Variants in NRXN3 observed in about 807,000 individuals in gnomAD.
NRXN3 encodes the protein neurexin III.
In NRXN3, 32 loss-of-function variants were observed where a neutral mutation model predicts 137.6. The ratio of observed to expected loss-of-function variants is 0.23; its 90% CI spans 0.18 to 0.31. The LOEUF is 0.31. NRXN3 is among the 10% of genes least tolerant of loss of function. The pLI is 1.00. For synonymous variants in NRXN3, 798 were observed against 784.5 expected (o/e 1.02, Z -0.29); for missense variants, 1,574 against 2,062.5 (o/e 0.76, Z 4.59).
At chr14:78,635,319 T>C (rs931814432) in intron 4 of NRXN3, among the ~76,000 whole-genome samples, 1 of 152,204 alleles carries the variant, frequency 6.6e-6, no homozygotes, top group African/African-American at 2.4e-5. Context: ...ACTTATTGCT[T>C]TGAAATATCT....
At chr14:79,230,977 C>G (rs1262319993) in intron 15 of NRXN3, among the ~76,000 whole-genome samples, 1 of 152,104 alleles carries the variant, frequency 6.6e-6, no homozygotes, top group Admixed American at 6.6e-5. Flanking sequence ...ACTGTAGCAT[C>G]AGCTATATTT....
intron 15 of NRXN3, among the ~76,000 whole-genome samples, chr14:79,077,554 T>A (rs1208344966): frequency 6.6e-6 from 1 of 152,176 alleles, no homozygotes; most frequent in Non-Finnish European, 1.5e-5. Context: ...CATGGGCCAT[T>A]TGAAAAACAG....
At chr14:79,537,224 C>G (rs117587788) in intron 16 of NRXN3, among the ~76,000 whole-genome samples, 7,290 of 151,884 alleles carry the variant, frequency 0.048, 238 homozygotes, top group Middle Eastern at 0.13. Flanking sequence ...TGTTGTTGAG[C>G]TTTTTTTCAT....
chr14:79,493,886 T>C (rs980861685), intron 16 of NRXN3, among the ~76,000 whole-genome samples: 2 of 152,216 alleles, frequency 1.3e-5, no homozygotes, highest in Non-Finnish European at 2.9e-5. Flanking sequence ...TGCTGTATAC[T>C]GAATGACAAA....
At chr14:78,883,461 C>T (rs73321694) in intron 10 of NRXN3, among the ~76,000 whole-genome samples, 7,347 of 152,134 alleles carry the variant, frequency 0.048, 356 homozygotes, top group African/African-American at 0.13. Flanking sequence ...GTGAAGGCAC[C>T]GTAGCAGTGG....
At chr14:79,570,650 A>G (rs912481295) in intron 16 of NRXN3, 2 of 152,204 alleles carry the variant, frequency 1.3e-5, no homozygotes, top group African/African-American at 4.8e-5. Flanking sequence ...TGTCTTTAAT[A>G]AATTGCCATT....
intron 19 of NRXN3, among the ~76,000 whole-genome samples, chr14:79,783,685 CAT>C (rs763479365): frequency 6.4e-4 from 97 of 152,062 alleles, no homozygotes; most frequent in Non-Finnish European, 2.4e-4. Context: ...AATGTAACTG[CAT>C]ATGTTTTATT....
chr14:79,134,511 C>T lies in NRXN3; in HGVS notation c.3262+146370C>T, dbSNP rs943252337. On this transcript the variant is annotated intron_variant, in intron 15 of 20. Transcript: ENST00000335750. ...GGCTAACCGAGGACTTTCACTGGCA[C>T]TCTTTTTAGAGCTAGACCATTGGGG... Among the ~76,000 whole-genome samples the T allele has an allele frequency of 3.4e-4, 51 of 152,202 alleles. 1 individual carries two copies. Among genetic ancestry groups the T allele is most frequent in the Admixed American group, 2.8e-3 (43 of 15,284 alleles).
chr14:79,765,001 G>A (rs976234990), intron 19 of NRXN3, among the ~76,000 whole-genome samples: 18 of 151,956 alleles, frequency 1.2e-4, no homozygotes, highest in East Asian at 3.9e-4. Context: ...AATTTGTCTC[G>A]CCCACTTCTA....
chr14:78,603,475 A>G (rs1395889789), intron 4 of NRXN3, among the ~76,000 whole-genome samples: 1 of 152,166 alleles, frequency 6.6e-6, no homozygotes, highest in African/African-American at 2.4e-5. Context: ...AGAGTATTTT[A>G]CATATAATTT....
At chr14:78,574,297 G>A (rs1191784948) in intron 4 of NRXN3, among the ~76,000 whole-genome samples, 1 of 152,242 alleles carries the variant, frequency 6.6e-6, no homozygotes, top group African/African-American at 2.4e-5. Context: ...CTGGGGCACT[G>A]CCTAGTGAAG....
At chr14:79,356,512 A>G (rs757721814) in intron 15 of NRXN3, among the ~76,000 whole-genome samples, 14 of 152,156 alleles carry the variant, frequency 9.2e-5, no homozygotes, top group Non-Finnish European at 1.9e-4. Context: ...TTTCAAATTC[A>G]TCCACAGTCT....
intron 4 of NRXN3, among the ~76,000 whole-genome samples, chr14:78,527,114 A>G (rs1433894706): frequency 6.6e-6 from 1 of 152,168 alleles, no homozygotes; most frequent in African/African-American, 2.4e-5. Flanking sequence ...ATATCAATAA[A>G]CTAAATTTAC....
chr14:78,288,598 T>A (rs1391354333), intron 3 of NRXN3, among the ~76,000 whole-genome samples: 4 of 152,226 alleles, frequency 2.6e-5, no homozygotes, highest in Non-Finnish European at 5.9e-5. Context: ...TCTAGCTTCA[T>A]GTCATTCATC....
chr14:79,031,235 T>G (rs940515018), intron 15 of NRXN3, among the ~76,000 whole-genome samples: 1 of 152,154 alleles, frequency 6.6e-6, no homozygotes, highest in African/African-American at 2.4e-5. Flanking sequence ...TAATCGAACT[T>G]TTATAAAACT....
chr14:78,301,122 T>G (rs746912193), intron 4 of NRXN3, among the ~76,000 whole-genome samples: 6 of 150,670 alleles, frequency 4.0e-5, no homozygotes, highest in Admixed American at 2.0e-4. Context: ...AGAGAATTGG[T>G]GAATTGCCTG....
chr14:79,235,996 A>G (rs375876997), intron 15 of NRXN3, among the ~76,000 whole-genome samples: 12 of 152,156 alleles, frequency 7.9e-5, no homozygotes, highest in African/African-American at 2.9e-4. Flanking sequence ...AGATCCTCCA[A>G]AATAATGTTC....
chr14:79,547,863 G>C (rs1402624955), intron 16 of NRXN3, among the ~76,000 whole-genome samples: 2 of 152,100 alleles, frequency 1.3e-5, no homozygotes, highest in East Asian at 3.9e-4. Context: ...GAATTTGCAT[G>C]ACCAGAACTC....
At chr14:79,232,024 C>A (rs10151613) in intron 15 of NRXN3, among the ~76,000 whole-genome samples, 87,747 of 151,870 alleles carry the variant, frequency 0.58, 25,898 homozygotes, top group Non-Finnish European at 0.65. Context: ...GACATGAACA[C>A]CTGGGGAAGT....
Sources: allele counts gnomAD v4.1 joint callset (sites outside exome capture counted in the v4.1 genomes callset), GRCh38; gene constraint gnomAD v4.1.1; transcripts MANE v1.5; gene names NCBI Gene and HGNC (gene_info 2026-07-23, HGNC 2026-07-21).